Variants in PITPNC1 observed in about 807,000 individuals in gnomAD.
PITPNC1 encodes the protein cytoplasmic phosphatidylinositol transfer protein 1.
PITPNC1 carries 18 observed loss-of-function variants against 44.7 expected under a neutral mutation model. The observed-to-expected ratio is 0.40, with a 90% CI of 0.28 to 0.60. PITPNC1 has a LOEUF of 0.60. PITPNC1 is among the 20% of genes least tolerant of loss of function. The pLI is 0.39. For missense variants in PITPNC1, 290 were observed against 418.4 expected (o/e 0.69, Z 2.68); for synonymous variants, 141 against 149.6 (o/e 0.94, Z 0.42).
At chr17:67,626,007 G>A (rs1307023093) in intron 5 of PITPNC1, among the ~76,000 whole-genome samples, 1 of 148,934 alleles carries the variant, frequency 6.7e-6, no homozygotes, top group Non-Finnish European at 1.5e-5. Flanking sequence ...TTTTTTTTGA[G>A]ACAGGATCTC....
intron 1 of PITPNC1, among the ~76,000 whole-genome samples, chr17:67,467,594 C>G (rs2039447180): frequency 6.6e-6 from 1 of 152,144 alleles, no homozygotes; most frequent in Non-Finnish European, 1.5e-5. Context: ...CTAACATGTC[C>G]CTTTAGGAGT....
chr17:67,593,047 A>AT (rs2041413533), intron 5 of PITPNC1, among the ~76,000 whole-genome samples: 1 of 152,158 alleles, frequency 6.6e-6, no homozygotes, highest in Non-Finnish European at 1.5e-5. Context: ...CAAGAAAAAA[A>AT]GAAAGAAAAG....
At chr17:67,556,562 C>G (rs901382247) in intron 4 of PITPNC1, among the ~76,000 whole-genome samples, 1 of 152,030 alleles carries the variant, frequency 6.6e-6, no homozygotes, top group African/African-American at 2.4e-5. Flanking sequence ...ACTGATGGGC[C>G]AAGGGAAGGG....
chr17:67,421,882 C>T (rs1378584317), intron 1 of PITPNC1, among the ~76,000 whole-genome samples: 1 of 152,146 alleles, frequency 6.6e-6, no homozygotes, highest in African/African-American at 2.4e-5. Context: ...CTTGATGGGA[C>T]TCACCCTCTA....
At chr17:67,383,019 G>A (rs774121581) in intron 1 of PITPNC1, among the ~76,000 whole-genome samples, 14 of 150,806 alleles carry the variant, frequency 9.3e-5, no homozygotes, top group Non-Finnish European at 1.6e-4. Flanking sequence ...TTTTTGAGAT[G>A]GAGTCTTGCT....
chr17:67,454,072 G>A (rs2039222256), intron 1 of PITPNC1, among the ~76,000 whole-genome samples: 1 of 152,120 alleles, frequency 6.6e-6, no homozygotes, highest in Non-Finnish European at 1.5e-5. Flanking sequence ...CCAACATGGT[G>A]AAACCCCGTC....
intron 5 of PITPNC1, among the ~76,000 whole-genome samples, chr17:67,615,547 G>C (rs1293648426): frequency 6.6e-6 from 1 of 152,192 alleles, no homozygotes; most frequent in African/African-American, 2.4e-5. Flanking sequence ...TGTAGTGGCT[G>C]TGTCAGGAAC....
intron 1 of PITPNC1, among the ~76,000 whole-genome samples, chr17:67,426,655 C>T (rs2038770510): frequency 6.6e-6 from 1 of 152,076 alleles, no homozygotes; most frequent in African/African-American, 2.4e-5. Context: ...TCAATAGGTG[C>T]AGCAAACCAC....
intron 1 of PITPNC1, among the ~76,000 whole-genome samples, chr17:67,477,848 A>G (rs1344560871): frequency 6.6e-6 from 1 of 151,976 alleles, no homozygotes; most frequent in African/African-American, 2.4e-5. Flanking sequence ...CCCCCACCCC[A>G]AAAAAAGTCT....
At chr17:67,391,638 GC>G (rs2143801106) in intron 1 of PITPNC1, among the ~76,000 whole-genome samples, 1 of 152,004 alleles carries the variant, frequency 6.6e-6, no homozygotes, top group Admixed American at 6.6e-5. Context: ...CCACCGCCAC[GC>G]CCGGCTAATT....
chr17:67,451,873 T>TGATCCGCACACCTCGGCCTCCC (rs1482326776), intron 1 of PITPNC1, among the ~76,000 whole-genome samples: 2 of 151,422 alleles, frequency 1.3e-5, no homozygotes, highest in Admixed American at 6.6e-5. Flanking sequence ...CCTGACCTCG[T>TGATCCGCACACCTCGGCCTCCC]GATCCGCACA....
At chr17:67,559,404 G>A (rs1273836828) in intron 4 of PITPNC1, among the ~76,000 whole-genome samples, 1 of 152,208 alleles carries the variant, frequency 6.6e-6, no homozygotes, top group Non-Finnish European at 1.5e-5. Context: ...AGGAGTTAGC[G>A]GGTTAGGAAA....
At chr17:67,587,648 T>G (rs1368705105) in intron 5 of PITPNC1, among the ~76,000 whole-genome samples, 1 of 152,238 alleles carries the variant, frequency 6.6e-6, no homozygotes, top group African/African-American at 2.4e-5. Flanking sequence ...AAGGACCTTC[T>G]GATGGCTTCC....
In PITPNC1 at chr17:67,441,800, G is replaced by A. The variant is rs535032361; in HGVS notation, c.48+63598G>A. On this transcript the variant is annotated intron_variant, in intron 1 of 8. Coordinates refer to ENST00000581322, the MANE Select transcript of PITPNC1 (RefSeq NM_012417.4). ...TATTCATCAGTGCGCCCTGCTGTTC[G>A]GCAAGAGAGGCTGTATGAAGTAGGA... is the stretch of plus-strand genomic sequence containing the variant. Among the ~76,000 whole-genome samples the A allele has an allele frequency of 8.5e-5, 13 of 152,178 alleles. No individual in the cohort carries two copies. In the East Asian group the frequency reaches 1.9e-3, roughly 23 times the overall value.
chr17:67,498,161 C>T (rs1239458336), intron 1 of PITPNC1, among the ~76,000 whole-genome samples: 2 of 152,198 alleles, frequency 1.3e-5, no homozygotes, highest in East Asian at 1.9e-4. Flanking sequence ...TGGGCCACTG[C>T]GCTTGGCCTC....
intron 5 of PITPNC1, among the ~76,000 whole-genome samples, chr17:67,630,864 ATC>A (rs2041956861): frequency 6.6e-6 from 1 of 151,490 alleles, no homozygotes; most frequent in East Asian, 2.0e-4. Flanking sequence ...GGTGTGCAGC[ATC>A]ACGCCCGGCT....
At chr17:67,505,697 G>T (rs990767803) in intron 1 of PITPNC1, among the ~76,000 whole-genome samples, 1 of 151,970 alleles carries the variant, frequency 6.6e-6, no homozygotes, top group Non-Finnish European at 1.5e-5. Flanking sequence ...GGCTGGTCTC[G>T]ATCTCCTGAC....
At chr17:67,494,028 A>T (rs907518562) in intron 1 of PITPNC1, among the ~76,000 whole-genome samples, 10 of 152,204 alleles carry the variant, frequency 6.6e-5, no homozygotes, top group Non-Finnish European at 1.3e-4. Context: ...AATAAAACAG[A>T]CAAACCATCC....
chr17:67,513,402 TATCTAC>T (rs963150164), intron 1 of PITPNC1, among the ~76,000 whole-genome samples: 10 of 94,578 alleles, frequency 1.1e-4, no homozygotes, highest in South Asian at 3.4e-4. Flanking sequence ...TCTATATCTA[TATCTAC>T]ATCTACATAT....
Sources: allele counts gnomAD v4.1 joint callset (sites outside exome capture counted in the v4.1 genomes callset), GRCh38; gene constraint gnomAD v4.1.1; transcripts MANE v1.5; gene names NCBI Gene and HGNC (gene_info 2026-07-23, HGNC 2026-07-21).